SGCD: variants seen among roughly 807,000 people sequenced by gnomAD.
SGCD encodes the protein sarcoglycan delta.
In SGCD, 18 loss-of-function variants were observed where a neutral mutation model predicts 36.6. That is an observed-to-expected ratio of 0.49 (90% CI 0.34 to 0.73). The LOEUF is 0.73. Among genes scored for constraint, SGCD ranks in the 30% least tolerant of loss-of-function variants. The probability of loss-of-function intolerance (pLI) is 0.01; values close to 1 mark genes in which losing one functional copy is unlikely to be tolerated. For synonymous variants in SGCD, 133 were observed against 130.6 expected (o/e 1.02, Z -0.12); for missense variants, 387 against 346.7 (o/e 1.12, Z -0.92).
intron 1 of SGCD, among the ~76,000 whole-genome samples, chr5:156,041,710 G>GC (rs1759638974): frequency 6.6e-6 from 1 of 152,166 alleles, no homozygotes; most frequent in Admixed American, 6.5e-5. Flanking sequence ...TGAGGCATGT[G>GC]TTGCAGGGCA....
chr5:156,210,299 A>C (rs1764405138), intron 3 of SGCD, among the ~76,000 whole-genome samples: 1 of 152,194 alleles, frequency 6.6e-6, no homozygotes, highest in South Asian at 2.1e-4. Flanking sequence ...GGATGGGCTG[A>C]CTAGTGAAGG....
intron 3 of SGCD, among the ~76,000 whole-genome samples, chr5:156,272,819 T>A (rs1191023985): frequency 6.6e-6 from 1 of 152,170 alleles, no homozygotes; most frequent in Non-Finnish European, 1.5e-5. Context: ...GTAAATAAAG[T>A]TACTCTTTTT....
intron 4 of SGCD, among the ~76,000 whole-genome samples, chr5:156,528,987 A>C (rs1473959791): frequency 6.6e-6 from 1 of 152,162 alleles, no homozygotes; most frequent in East Asian, 1.9e-4. Flanking sequence ...TGCATTTATG[A>C]GAAAGAAATG....
At chr5:156,354,696 T>G (rs1769417792) in intron 3 of SGCD, among the ~76,000 whole-genome samples, 1 of 152,226 alleles carries the variant, frequency 6.6e-6, no homozygotes, top group South Asian at 2.1e-4. Context: ...CATGTTGCTG[T>G]GAGCTCTGAA....
chr5:155,819,430 T>C, the SGCD span, among the ~76,000 whole-genome samples: 2 of 152,150 alleles, frequency 1.3e-5, no homozygotes, highest in Non-Finnish European at 2.9e-5. Context: ...AAATGTGTCA[T>C]GTGAAAAGTG....
rs78373214 is a variant in SGCD, at chr5:156,560,834, G to A, written c.295-28397G>A. ...GTTTTTTTTGGATCAAATTAGGTAA[G>A]TCAGTTTATATATTTGATCTTCAGT... On this transcript the variant is annotated intron_variant, in intron 4 of 8. Transcript: ENST00000337851. Among the ~76,000 whole-genome samples, 1,887 of 152,230 alleles carry A rather than the reference G, an allele frequency of 0.012. 92 individuals carry two copies. The East Asian group carries it at 0.17, about 14-fold the overall frequency.
At chr5:156,707,550 T>C (rs979614353) in intron 7 of SGCD, among the ~76,000 whole-genome samples, 3 of 152,010 alleles carry the variant, frequency 2.0e-5, no homozygotes, top group African/African-American at 7.2e-5. Context: ...TACAAGAAAA[T>C]AGAAATAAAT....
At chr5:156,670,489 G>A (rs946481607) in intron 7 of SGCD, among the ~76,000 whole-genome samples, 18 of 152,144 alleles carry the variant, frequency 1.2e-4, no homozygotes, top group Non-Finnish European at 2.2e-4. Flanking sequence ...TGCCCCTGCT[G>A]GGTGTATAGA....
At chr5:156,709,994 T>A (rs1198761681) in intron 7 of SGCD, among the ~76,000 whole-genome samples, 1 of 151,908 alleles carries the variant, frequency 6.6e-6, no homozygotes, top group Non-Finnish European at 1.5e-5. Flanking sequence ...GAGACCAGGC[T>A]TAGAAAGTCT....
chr5:156,299,149 T>G (rs890333662), intron 3 of SGCD, among the ~76,000 whole-genome samples: 5 of 152,344 alleles, frequency 3.3e-5, no homozygotes, highest in East Asian at 3.9e-4. Flanking sequence ...GTTTCATTTT[T>G]CCGCATAGTG....
At chr5:156,381,226 G>T (rs75672801) in intron 3 of SGCD, among the ~76,000 whole-genome samples, 5,330 of 152,248 alleles carry the variant, frequency 0.035, 295 homozygotes, top group African/African-American at 0.12. Context: ...GTGAGAAAAT[G>T]GGGCTGCTGC....
intron 3 of SGCD, among the ~76,000 whole-genome samples, chr5:156,198,767 T>A (rs1764079137): frequency 6.6e-6 from 1 of 152,174 alleles, no homozygotes; most frequent in Non-Finnish European, 1.5e-5. Flanking sequence ...AGTTGTCTCC[T>A]GTGCTTCAAA....
chr5:156,141,256 C>T lies in SGCD; in HGVS notation c.-44+17237C>T, dbSNP rs140850135. ...GAAGGCAAGAGCGTCCCTACTAGGACGGTGCCTAACAAACACGAGACCGGG... is the reference window on the plus strand; with the variant it reads ...GAAGGCAAGAGCGTCCCTACTAGGATGGTGCCTAACAAACACGAGACCGGG... On this transcript the variant is annotated intron_variant, in intron 3 of 9. Coordinates refer to the SGCD transcript ENST00000517913. Among the ~76,000 whole-genome samples the T allele has an allele frequency of 3.2e-3, 487 of 152,160 alleles. 4 individuals are homozygous for T. The East Asian group carries it at 0.033, about 10-fold the overall frequency.
At chr5:156,628,210 T>TA (rs1009307848) in intron 6 of SGCD, among the ~76,000 whole-genome samples, 4 of 152,114 alleles carry the variant, frequency 2.6e-5, no homozygotes, top group Non-Finnish European at 5.9e-5. Flanking sequence ...GGGAAAATAC[T>TA]AAAACATTTA....
chr5:156,500,834 C>T (rs1286567411), intron 3 of SGCD, among the ~76,000 whole-genome samples: 2 of 152,140 alleles, frequency 1.3e-5, no homozygotes, highest in African/African-American at 4.8e-5. Context: ...TGAAAAATAG[C>T]ACTTTCTTAA....
intron 1 of SGCD, among the ~76,000 whole-genome samples, chr5:156,105,353 A>G (rs1332292538): frequency 6.6e-6 from 1 of 152,222 alleles, no homozygotes; most frequent in Non-Finnish European, 1.5e-5. Flanking sequence ...TAAATCAGTG[A>G]ACAAATTGTT....
upstream of SGCD, among the ~76,000 whole-genome samples, chr5:156,324,319 C>T (rs1414636115): frequency 6.6e-6 from 1 of 152,008 alleles, no homozygotes; most frequent in Non-Finnish European, 1.5e-5. Flanking sequence ...TAAAAGTCTC[C>T]AAGTTAACAT....
chr5:156,701,194 G>T (rs1020148762), intron 7 of SGCD, among the ~76,000 whole-genome samples: 21 of 152,100 alleles, frequency 1.4e-4, no homozygotes, highest in Non-Finnish European at 2.9e-4. Context: ...TGCTAACTTA[G>T]AACTTCTGTT....
chr5:156,763,257 C>G lies in SGCD; in HGVS notation c.*3867C>G, dbSNP rs1250250502. 6.6e-6 allele frequency: 1 copy of G among 152,598 alleles called. No homozygotes were observed. Among genetic ancestry groups the G allele is most frequent in the Non-Finnish European group, 1.5e-5 (1 of 68,066 alleles). 9.5% of individuals were successfully genotyped at this position (152,598 alleles called of 1,614,324 possible). A position where few individuals can be genotyped will look rare whatever the true frequency, so the allele number is the denominator to read the frequency against. On this transcript the variant is annotated 3_prime_UTR_variant, in exon 9 of 9. Transcript: ENST00000337851. ...CATTAAAGTTTTCCACTTCACCCTC[C>G]CATAGTCTAGAGGGATGCCCATTCC... is the stretch of plus-strand genomic sequence containing the variant.
Sources: gnomAD v4.1 joint callset for allele counts (sites outside exome capture counted in the v4.1 genomes callset) on GRCh38, gnomAD v4.1.1 for gene constraint, MANE v1.5 for transcripts, NCBI Gene and HGNC (gene_info 2026-07-23, HGNC 2026-07-21) for gene names.